NAV2: variants seen among roughly 807,000 people sequenced by gnomAD.
NAV2 encodes the protein neuron navigator 2.
A neutral mutation model predicts 223.2 loss-of-function variants in NAV2; 54 were observed. The observed-to-expected ratio is 0.24, with a 90% CI of 0.19 to 0.30. The LOEUF (loss-of-function observed/expected upper bound fraction) is 0.30, where lower values mean the gene tolerates loss of function less well. Ranked by LOEUF, NAV2 falls within the 10% of genes least tolerant of loss-of-function variation. The probability of loss-of-function intolerance (pLI) is 1.00; values close to 1 mark genes in which losing one functional copy is unlikely to be tolerated. For missense variants in NAV2, 2,806 were observed against 3,147.5 expected (o/e 0.89, Z 2.60); for synonymous variants, 1,279 against 1,239.3 (o/e 1.03, Z -0.67).
intron 1 of NAV2, among the ~76,000 whole-genome samples, chr11:19,683,302 G>T (rs755595583): frequency 1.3e-5 from 2 of 152,176 alleles, no homozygotes; most frequent in Non-Finnish European, 2.9e-5. Context: ...AGGGGTTGCG[G>T]GGTGTAACAG....
chr11:19,535,889 T>C (rs527934066), intron 1 of NAV2, among the ~76,000 whole-genome samples: 3 of 118,230 alleles, frequency 2.5e-5, no homozygotes, highest in Admixed American at 2.5e-4. Flanking sequence ...GTGTAGATCT[T>C]TTGCTGAAGC....
chr11:20,070,144 G>T (rs6483638), intron 22 of NAV2, among the ~76,000 whole-genome samples: 1 of 152,110 alleles, frequency 6.6e-6, no homozygotes, highest in East Asian at 1.9e-4. Context: ...CGTAGGTCCT[G>T]TTCAGAAAAA....
intron 1 of NAV2, among the ~76,000 whole-genome samples, chr11:19,610,919 G>T (rs182155419): frequency 6.6e-6 from 1 of 151,564 alleles, no homozygotes; most frequent in African/African-American, 2.4e-5. Flanking sequence ...GCACCTCCTC[G>T]TCTTTCTCCA....
intron 1 of NAV2, among the ~76,000 whole-genome samples, chr11:19,472,862 A>G (rs889745285): frequency 2.0e-5 from 3 of 152,188 alleles, no homozygotes; most frequent in East Asian, 3.8e-4. Context: ...CTACTCACAA[A>G]TAGGATTCCC....
At chr11:19,401,698 C>T (rs1849692598) in intron 1 of NAV2, among the ~76,000 whole-genome samples, 1 of 152,196 alleles carries the variant, frequency 6.6e-6, no homozygotes, top group African/African-American at 2.4e-5. Flanking sequence ...CATTTGCATT[C>T]TTCTGAGCGT....
chr11:19,970,960 T>A (rs4757873), intron 10 of NAV2, among the ~76,000 whole-genome samples: 105,494 of 152,094 alleles, frequency 0.69, 36,952 homozygotes, highest in Middle Eastern at 0.79. Flanking sequence ...AATGAGGTTT[T>A]AGAGTTCACA....
At chr11:19,631,806 C>T (rs1199194626) in intron 1 of NAV2, among the ~76,000 whole-genome samples, 2 of 152,220 alleles carry the variant, frequency 1.3e-5, no homozygotes, top group African/African-American at 2.4e-5. Flanking sequence ...CTGGAGTTTG[C>T]AATCCGAGGG....
At chr11:19,634,442 T>C (rs1352508092) in intron 1 of NAV2, among the ~76,000 whole-genome samples, 2 of 152,170 alleles carry the variant, frequency 1.3e-5, no homozygotes, top group African/African-American at 4.8e-5. Context: ...CCCCATGACA[T>C]GAGTTTACCT....
At chr11:19,575,928 G>A (rs923782041) in intron 1 of NAV2, among the ~76,000 whole-genome samples, 1 of 152,220 alleles carries the variant, frequency 6.6e-6, no homozygotes, top group Non-Finnish European at 1.5e-5. Flanking sequence ...TAACACAGAG[G>A]GCTGAGCAGA....
chr11:19,879,426 G>A (rs972550498), intron 4 of NAV2, among the ~76,000 whole-genome samples: 2 of 152,146 alleles, frequency 1.3e-5, no homozygotes, highest in East Asian at 1.9e-4. Context: ...AAAGCAGAGC[G>A]CAGATCATGG....
At chr11:19,420,274 A>G (rs898209923) in intron 1 of NAV2, among the ~76,000 whole-genome samples, 7 of 152,190 alleles carry the variant, frequency 4.6e-5, no homozygotes, top group Non-Finnish European at 7.3e-5. Flanking sequence ...TAAAAAGATA[A>G]AAAAATGCCA....
chr11:20,099,962 T>C (rs1043535144), intron 31 of NAV2, among the ~76,000 whole-genome samples: 26 of 152,156 alleles, frequency 1.7e-4, no homozygotes, highest in African/African-American at 6.3e-4. Flanking sequence ...AGATAAGACA[T>C]CTGGGGGCCT....
In NAV2 at chr11:19,949,078, C is replaced by T. The variant is rs138136292; in HGVS notation, c.2643C>T (p.Ser881=). 5.6e-6 allele frequency: 9 copies of T among 1,595,408 alleles called. No homozygotes were observed. Among genetic ancestry groups the T allele is most frequent in the African/African-American group, 4.0e-5 (3 of 74,566 alleles). ...ACATCCGGACCGATGACATTACAAG[C>T]GGGTAAGTACCCGGGGCCGCCCTTT... ...SKNIRTDDIT[S]GYMTDGGLGL... The change falls in exon 10 of 38, where the codon AGC becomes AGT. Residue 881 remains serine, a splice_region_variant and synonymous_variant. Transcript: ENST00000349880.
intron 1 of NAV2, among the ~76,000 whole-genome samples, chr11:19,614,315 G>C (rs764938098): frequency 2.0e-5 from 3 of 152,156 alleles, no homozygotes; most frequent in African/African-American, 4.8e-5. Flanking sequence ...AAACCCCTTG[G>C]CTGCTCAGGA....
At chr11:20,113,154 C>G (rs2062779726) in intron 36 of NAV2, among the ~76,000 whole-genome samples, 2 of 152,228 alleles carry the variant, frequency 1.3e-5, no homozygotes, top group Admixed American at 6.5e-5. Context: ...ATTGAACATA[C>G]TTAGTTTCCA....
intron 1 of NAV2, among the ~76,000 whole-genome samples, chr11:19,625,998 T>C (rs949732472): frequency 1.3e-5 from 2 of 152,214 alleles, no homozygotes; most frequent in Non-Finnish European, 1.5e-5. Flanking sequence ...TTTACTTTGT[T>C]GATTGTTTCC....
intron 1 of NAV2, among the ~76,000 whole-genome samples, chr11:19,527,114 G>A (rs565182003): frequency 6.6e-6 from 1 of 151,132 alleles, no homozygotes; most frequent in South Asian, 2.1e-4. Flanking sequence ...GTCTTGAATT[G>A]TAGCTCTCAT....
At chr11:19,757,487 G>C (rs186829060) in intron 1 of NAV2, among the ~76,000 whole-genome samples, 230 of 152,292 alleles carry the variant, frequency 1.5e-3, no homozygotes, top group African/African-American at 5.4e-3. Flanking sequence ...TTGCTCCTCT[G>C]CCTCGGGTTA....
intron 1 of NAV2, among the ~76,000 whole-genome samples, chr11:19,431,068 G>A (rs1851019888): frequency 6.6e-6 from 1 of 152,208 alleles, no homozygotes; most frequent in Admixed American, 6.5e-5. Context: ...CTTTGTTAAA[G>A]GCAAAATAGA....
Sources: allele counts gnomAD v4.1 joint callset (sites outside exome capture counted in the v4.1 genomes callset), GRCh38; gene constraint gnomAD v4.1.1; transcripts MANE v1.5; gene names NCBI Gene and HGNC (gene_info 2026-07-23, HGNC 2026-07-21).